NCAM1: variants seen among roughly 807,000 people sequenced by gnomAD.
The protein encoded by NCAM1 is antigen recognized by monoclonal antibody 5.1H11.
Under a neutral mutation model 109.8 loss-of-function variants are expected in NCAM1, and 14 were observed. The ratio of observed to expected loss-of-function variants is 0.13; its 90% confidence interval spans 0.08 to 0.20. The LOEUF (loss-of-function observed/expected upper bound fraction) is 0.20, where lower values mean the gene tolerates loss of function less well. Among genes scored for constraint, NCAM1 ranks in the 10% least tolerant of loss-of-function variants. The pLI, the probability that NCAM1 is intolerant of heterozygous loss-of-function variation, is 1.00. For missense variants in NCAM1, 774 were observed against 1,109.9 expected, an observed-to-expected ratio of 0.70 and a Z score of 4.30; for synonymous variants, 418 against 442.9, an observed-to-expected ratio of 0.94 and a Z score of 0.70.
intron 1 of NCAM1, among the ~76,000 whole-genome samples, chr11:113,131,681 G>A (rs1372078612): frequency 5.9e-5 from 9 of 152,164 alleles, no homozygotes; most frequent in African/African-American, 2.2e-4. Context: ...TCATTCAGGG[G>A]TCCAGGATGT....
At position 113,276,408 on chromosome 11, in the gene NCAM1, T is replaced by G. The variant is rs1418100780; in HGVS notation, c.*1021T>G. 4.6e-5 allele frequency: 7 copies of G among 152,578 alleles called. No homozygotes were observed. The highest frequency in any genetic ancestry group is 3.3e-4 in the Admixed American group (5 of 15,282). 9.5% of individuals were successfully genotyped at this position (152,578 alleles called of 1,614,324 possible). A position where few individuals can be genotyped will look rare whatever the true frequency, so the allele number is the denominator to read the frequency against. ...TTTGGGGGTTAGACCACTTTCTGATTAGCCGCCACCTGCCTGCATCTGTGA... is the reference window on the plus strand; with the variant it reads ...TTTGGGGGTTAGACCACTTTCTGATGAGCCGCCACCTGCCTGCATCTGTGA... On this transcript the variant is annotated 3_prime_UTR_variant, in exon 20 of 20. Transcript: ENST00000316851.
intron 14 of NCAM1, chr11:113,242,957 T>TG: frequency 6.3e-7 from 1 of 1,581,894 alleles, no homozygotes; most frequent in Non-Finnish European, 8.6e-7. Context: ...AAGCAACAGT[T>TG]GTGAATGCAT....
At chr11:112,964,823 G>A (rs781446010) in intron 1 of NCAM1, among the ~76,000 whole-genome samples, 19 of 152,144 alleles carry the variant, frequency 1.2e-4, no homozygotes, top group Non-Finnish European at 2.5e-4. Context: ...ATTAATAACT[G>A]ATAATTTGTT....
In NCAM1 at chr11:112,987,390, A is replaced by G. The variant is rs79952575; in HGVS notation, c.52+25726A>G. Among the ~76,000 whole-genome samples, 3 of 152,116 alleles carry G rather than the reference A, an allele frequency of 2.0e-5. No individual in the cohort carries two copies. The East Asian group carries it at 5.8e-4, about 29-fold the overall frequency. ...CTGCTGCCGTTGAATGGAATGTTCT[A>G]TGTATGTGTGTGAGTTGGTCTCATG... On this transcript the variant is annotated intron_variant, in intron 1 of 19. Coordinates refer to ENST00000316851, the MANE Select transcript of NCAM1 (RefSeq NM_181351.5).
intron 1 of NCAM1, among the ~76,000 whole-genome samples, chr11:113,071,327 CTGTT>C (rs1253593333): frequency 2.1e-4 from 32 of 151,866 alleles, no homozygotes; most frequent in African/African-American, 4.4e-4. Flanking sequence ...GAAGTAAAAA[CTGTT>C]TGTCAAGTGA....
chr11:113,196,320 T>C (rs1478201293), intron 1 of NCAM1, among the ~76,000 whole-genome samples: 1 of 152,220 alleles, frequency 6.6e-6, no homozygotes, highest in Non-Finnish European at 1.5e-5. Flanking sequence ...TTGGCTGTGG[T>C]TAAATTCAGT....
chr11:113,278,011 T>C lies in NCAM1; in HGVS notation c.*2624T>C, dbSNP rs1946440211. ...GATCAACTCCAGTTTCCAATGTCTATGTGTCTATGTGTGTATGTGCCATAC... is the reference window on the plus strand; with the variant it reads ...GATCAACTCCAGTTTCCAATGTCTACGTGTCTATGTGTGTATGTGCCATAC... On this transcript the variant is annotated 3_prime_UTR_variant, in exon 20 of 20. Transcript: ENST00000316851. The C allele has an allele frequency of 6.6e-6, 1 of 152,170 alleles. No homozygotes were observed. Among genetic ancestry groups the C allele is most frequent in the Non-Finnish European group, 1.5e-5 (1 of 68,038 alleles). 9.4% of individuals were successfully genotyped at this position (152,170 alleles called of 1,614,324 possible). A position where few individuals can be genotyped will look rare whatever the true frequency, so the allele number is the denominator to read the frequency against.
chr11:112,989,129 A>T (rs1951394480), intron 1 of NCAM1, among the ~76,000 whole-genome samples: 2 of 152,102 alleles, frequency 1.3e-5, no homozygotes, highest in Admixed American at 1.3e-4. Context: ...GAGCTTCATT[A>T]ATCTAGATGT....
At chr11:112,964,892 G>A (rs975316555) in intron 1 of NCAM1, among the ~76,000 whole-genome samples, 2 of 152,230 alleles carry the variant, frequency 1.3e-5, no homozygotes, top group South Asian at 4.1e-4. Context: ...TAGACGTGTG[G>A]GCTATGATTT....
rs531172168 is a variant in NCAM1 at position 113,011,747 on chromosome 11, G to T, written c.52+50083G>T. Among the ~76,000 whole-genome samples the T allele has an allele frequency of 7.9e-5, 12 of 152,290 alleles. No homozygotes were observed. The South Asian group carries it at 8.3e-4, about 11-fold the overall frequency. ...TGTGTTTGGAGGGGATCGTTAAGCA[G>T]TCTGCTTTGCTCTGCCAAACAAGGG... On this transcript the variant is annotated intron_variant, in intron 1 of 19. Coordinates refer to ENST00000316851, the MANE Select transcript of NCAM1 (RefSeq NM_181351.5).
intron 1 of NCAM1, among the ~76,000 whole-genome samples, chr11:113,095,828 C>T (rs533625029): frequency 2.6e-5 from 4 of 152,264 alleles, no homozygotes; most frequent in South Asian, 2.1e-4. Flanking sequence ...CACCTCCTAC[C>T]GACTGTGTGA....
At chr11:113,176,424 G>A (rs12222643) in intron 1 of NCAM1, among the ~76,000 whole-genome samples, 19,960 of 152,206 alleles carry the variant, frequency 0.13, 1,434 homozygotes, top group East Asian at 0.27. Flanking sequence ...CAGAAGGGAT[G>A]CTAGGTATTC....
chr11:113,216,679 T>C (rs1162402569), intron 8 of NCAM1, among the ~76,000 whole-genome samples: 1 of 152,228 alleles, frequency 6.6e-6, no homozygotes, highest in African/African-American at 2.4e-5. Context: ...GTTCACTTTA[T>C]TGGAACATGA....
intron 14 of NCAM1, among the ~76,000 whole-genome samples, chr11:113,241,914 C>A (rs1945338156): frequency 6.6e-6 from 1 of 152,180 alleles, no homozygotes; most frequent in African/African-American, 2.4e-5. Flanking sequence ...GCTCAGAAGC[C>A]CTCTGTCACC....
At chr11:113,085,880 T>C (rs1192246224) in intron 1 of NCAM1, among the ~76,000 whole-genome samples, 1 of 152,228 alleles carries the variant, frequency 6.6e-6, no homozygotes, top group African/African-American at 2.4e-5. Flanking sequence ...ATATATATTC[T>C]ATAAATAGAT....
intron 17 of NCAM1, among the ~76,000 whole-genome samples, chr11:113,269,062 C>T (rs1361518503): frequency 3.3e-5 from 5 of 152,198 alleles, no homozygotes; most frequent in Admixed American, 6.5e-5. Flanking sequence ...ATTGTTCCCA[C>T]ATCGACTTAA....
intron 1 of NCAM1, among the ~76,000 whole-genome samples, chr11:113,145,570 C>A (rs1555101156): frequency 6.6e-6 from 1 of 152,180 alleles, no homozygotes. Context: ...CTTATTGGCT[C>A]TCTCCTCTTC....
At chr11:113,190,962 ACT>A (rs1474460671) in intron 1 of NCAM1, among the ~76,000 whole-genome samples, 9 of 152,114 alleles carry the variant, frequency 5.9e-5, no homozygotes, top group Admixed American at 5.9e-4. Flanking sequence ...TCAAATGCAC[ACT>A]CTGCAGGGAG....
intron 1 of NCAM1, among the ~76,000 whole-genome samples, chr11:113,188,200 G>T (rs909987341): frequency 7.2e-5 from 11 of 152,220 alleles, no homozygotes; most frequent in African/African-American, 2.6e-4. Context: ...GACAAAAGAC[G>T]GGCATGTCGG....
Sources: gnomAD v4.1 joint callset for allele counts (sites outside exome capture counted in the v4.1 genomes callset) on GRCh38, gnomAD v4.1.1 for gene constraint, MANE v1.5 for transcripts, NCBI Gene and HGNC (gene_info 2026-07-23, HGNC 2026-07-21) for gene names.